Variants in CNTN5 observed in about 807,000 individuals in gnomAD.
CNTN5 encodes contactin-5.
Under a neutral mutation model 129.1 loss-of-function variants are expected in CNTN5, and 77 were observed. The ratio of observed to expected loss-of-function variants is 0.60; its 90% CI spans 0.50 to 0.72. The LOEUF (loss-of-function observed/expected upper bound fraction) is 0.72, where lower values mean the gene tolerates loss of function less well. CNTN5 is among the 30% of genes least tolerant of loss of function. The probability of loss-of-function intolerance (pLI) is 0.00; values close to 1 mark genes in which losing one functional copy is unlikely to be tolerated. For synonymous variants in CNTN5, 509 were observed against 465.6 expected (o/e 1.09, Z -1.20); for missense variants, 1,478 against 1,328.8 (o/e 1.11, Z -1.75).
intron 6 of CNTN5, among the ~76,000 whole-genome samples, chr11:99,877,602 T>A (rs1356989822): frequency 9.5e-5 from 7 of 73,726 alleles, no homozygotes. Flanking sequence ...TTCTTCATAA[T>A]CTTTAGTTTA....
chr11:100,067,783 C>T (rs1190398646), intron 10 of CNTN5, among the ~76,000 whole-genome samples: 1 of 151,486 alleles, frequency 6.6e-6, no homozygotes, highest in Admixed American at 6.6e-5. Context: ...TATGATAGCA[C>T]ATTTATGTTC....
chr11:99,660,365 A>T (rs1952550819), intron 3 of CNTN5, among the ~76,000 whole-genome samples: 1 of 152,116 alleles, frequency 6.6e-6, no homozygotes, highest in Non-Finnish European at 1.5e-5. Context: ...AATTGGCCTG[A>T]GGAAAGTTTT....
chr11:100,080,090 A>G (rs887588322), intron 13 of CNTN5, among the ~76,000 whole-genome samples: 17 of 152,196 alleles, frequency 1.1e-4, no homozygotes, highest in African/African-American at 3.6e-4. Context: ...GTGCATATAT[A>G]AACTGTTGTT....
intron 8 of CNTN5, among the ~76,000 whole-genome samples, chr11:100,000,326 A>G (rs1939777501): frequency 6.6e-6 from 1 of 152,230 alleles, no homozygotes; most frequent in Non-Finnish European, 1.5e-5. Flanking sequence ...GAAATTGGCC[A>G]AAACAAAGAG....
chr11:99,945,262 A>C (rs1299606798), intron 7 of CNTN5, among the ~76,000 whole-genome samples: 1 of 152,054 alleles, frequency 6.6e-6, no homozygotes, highest in Non-Finnish European at 1.5e-5. Flanking sequence ...AGCAACATAT[A>C]CTATAAAATT....
chr11:99,151,301 T>C (rs1434540489), intron 1 of CNTN5, among the ~76,000 whole-genome samples: 1 of 152,124 alleles, frequency 6.6e-6, no homozygotes, highest in Non-Finnish European at 1.5e-5. Flanking sequence ...TGCACTCTTG[T>C]GTGTGTGATA....
intron 8 of CNTN5, among the ~76,000 whole-genome samples, chr11:99,957,289 TC>T (rs901436671): frequency 6.6e-6 from 1 of 152,156 alleles, no homozygotes; most frequent in African/African-American, 2.4e-5. Context: ...TAATAAATAC[TC>T]CACAGTTCTT....
At chr11:99,564,295 G>C (rs1468536713) in intron 3 of CNTN5, among the ~76,000 whole-genome samples, 1 of 151,894 alleles carries the variant, frequency 6.6e-6, no homozygotes, top group East Asian at 1.9e-4. Context: ...GTGTCACTAA[G>C]TTGGCTGGTT....
At chr11:99,459,924 A>G (rs962591062) in intron 2 of CNTN5, among the ~76,000 whole-genome samples, 1 of 152,034 alleles carries the variant, frequency 6.6e-6, no homozygotes, top group African/African-American at 2.4e-5. Flanking sequence ...GCCTTAAGTC[A>G]TAACAAAAAT....
At chr11:99,390,264 T>G (rs1363708524) in intron 2 of CNTN5, among the ~76,000 whole-genome samples, 2 of 152,054 alleles carry the variant, frequency 1.3e-5, no homozygotes, top group Non-Finnish European at 2.9e-5. Flanking sequence ...ACTATGGGCA[T>G]GTACCACTAA....
chr11:99,226,268 T>A (rs563118320), intron 1 of CNTN5, among the ~76,000 whole-genome samples: 1 of 152,328 alleles, frequency 6.6e-6, no homozygotes, highest in South Asian at 2.1e-4. Flanking sequence ...TAAGAGACAC[T>A]AACGTGAGGG....
At chr11:100,190,727 C>CTG (rs766015741) in intron 13 of CNTN5, among the ~76,000 whole-genome samples, 3 of 132,296 alleles carry the variant, frequency 2.3e-5, no homozygotes, top group Admixed American at 2.2e-4. Context: ...TGTTTTTATG[C>CTG]TGTTTTTTTT....
intron 2 of CNTN5, among the ~76,000 whole-genome samples, chr11:99,511,931 G>A (rs1426575306): frequency 6.6e-6 from 1 of 151,964 alleles, no homozygotes; most frequent in African/African-American, 2.4e-5. Flanking sequence ...TAAGCTCAAT[G>A]TTATGAGTCA....
intron 1 of CNTN5, among the ~76,000 whole-genome samples, chr11:99,070,371 TC>T (rs1252403746): frequency 1.3e-5 from 2 of 152,148 alleles, no homozygotes; most frequent in Non-Finnish European, 2.9e-5. Flanking sequence ...ATGTTTCTTT[TC>T]CTGAAAATAA....
At chr11:100,042,219 T>C (rs1942419415) in intron 9 of CNTN5, among the ~76,000 whole-genome samples, 1 of 150,052 alleles carries the variant, frequency 6.7e-6, no homozygotes, top group Non-Finnish European at 1.5e-5. Context: ...TTTAGTTTTG[T>C]TCTCTCTCTT....
At chr11:99,095,838 G>A (rs1022213396) in intron 1 of CNTN5, among the ~76,000 whole-genome samples, 2 of 151,854 alleles carry the variant, frequency 1.3e-5, no homozygotes, top group African/African-American at 4.8e-5. Flanking sequence ...GCAATGACAA[G>A]AACAAGATAA....
intron 10 of CNTN5, among the ~76,000 whole-genome samples, chr11:100,070,059 C>T (rs1037524013): frequency 2.6e-5 from 4 of 151,314 alleles, no homozygotes; most frequent in Non-Finnish European, 5.9e-5. Context: ...ATATTTCTAC[C>T]CGTGCTAATG....
chr11:99,210,728 C>G (rs932745214), intron 1 of CNTN5, among the ~76,000 whole-genome samples: 2 of 147,818 alleles, frequency 1.4e-5, no homozygotes, highest in Non-Finnish European at 3.0e-5. Context: ...TTATGTTTAG[C>G]TGTTCCACAC....
chr11:99,992,619 C>G (rs1315525174), intron 8 of CNTN5, among the ~76,000 whole-genome samples: 15 of 152,170 alleles, frequency 9.9e-5, no homozygotes, highest in African/African-American at 3.4e-4. Context: ...TAGAGTTGAA[C>G]TCTGTTGCCT....
Sources: gnomAD v4.1 joint callset for allele counts (sites outside exome capture counted in the v4.1 genomes callset) on GRCh38, gnomAD v4.1.1 for gene constraint, MANE v1.5 for transcripts, NCBI Gene and HGNC (gene_info 2026-07-23, HGNC 2026-07-21) for gene names.